The following POFUT3 variants were observed in gnomAD, a reference collection of about 807,000 sequenced individuals.
POFUT3 encodes protein O-fucosyltransferase 3, also known as GDP-fucose protein O-fucosyltransferase 3.
chr8:33,435,437 C>CA, the POFUT3 span, among the ~76,000 whole-genome samples: 1 of 152,008 alleles, frequency 6.6e-6, no homozygotes, highest in Non-Finnish European at 1.5e-5. Context: ...AGGCTGGTCT[C>CA]AAACTCCTGA....
At chr8:33,415,837 C>T in the POFUT3 span, among the ~76,000 whole-genome samples, 1 of 152,166 alleles carries the variant, frequency 6.6e-6, no homozygotes, top group South Asian at 2.1e-4. Context: ...ATTTAATGGT[C>T]CCCCAAGGGA....
chr8:33,352,072 C>T, the POFUT3 span, among the ~76,000 whole-genome samples: 2 of 152,138 alleles, frequency 1.3e-5, no homozygotes, highest in Admixed American at 6.5e-5. Context: ...TGTTGAACGG[C>T]TCTGTCAATG....
At chr8:33,368,217 A>G in the POFUT3 span, among the ~76,000 whole-genome samples, 1 of 152,172 alleles carries the variant, frequency 6.6e-6, no homozygotes, top group Non-Finnish European at 1.5e-5. Context: ...GACTGGTCAT[A>G]TCCTCTTTGG....
At chr8:33,364,835 C>T in the POFUT3 span, among the ~76,000 whole-genome samples, 1 of 152,126 alleles carries the variant, frequency 6.6e-6, no homozygotes, top group South Asian at 2.1e-4. Flanking sequence ...AATGGCCACC[C>T]AAAGTAATTT....
At chr8:33,405,389 C>T in the POFUT3 span, among the ~76,000 whole-genome samples, 1 of 152,104 alleles carries the variant, frequency 6.6e-6, no homozygotes, top group Middle Eastern at 3.4e-3. Context: ...ACAAGTATGG[C>T]AGTTTTAATT....
the POFUT3 span, among the ~76,000 whole-genome samples, chr8:33,412,926 A>C: frequency 6.6e-6 from 1 of 152,040 alleles, no homozygotes; most frequent in African/African-American, 2.4e-5. Flanking sequence ...CTGCACCTGG[A>C]CTGCTTTGCC....
chr8:33,411,757 C>T, the POFUT3 span, among the ~76,000 whole-genome samples: 9 of 151,798 alleles, frequency 5.9e-5, no homozygotes, highest in East Asian at 1.9e-4. Context: ...CATTGCACCC[C>T]GGCCTGGGCA....
chr8:33,442,111 G>A, the POFUT3 span, among the ~76,000 whole-genome samples: 8 of 151,512 alleles, frequency 5.3e-5, no homozygotes, highest in South Asian at 4.2e-4. Flanking sequence ...CACCATGCCC[G>A]GCTAATTTTT....
At chr8:33,336,013 G>A in the POFUT3 span, among the ~76,000 whole-genome samples, 6 of 152,236 alleles carry the variant, frequency 3.9e-5, no homozygotes, top group African/African-American at 1.4e-4. Flanking sequence ...GACTCGGGCA[G>A]TTCAAACGCA....
chr8:33,416,367 C>G, the POFUT3 span, among the ~76,000 whole-genome samples: 1 of 152,140 alleles, frequency 6.6e-6, no homozygotes, highest in Non-Finnish European at 1.5e-5. Flanking sequence ...CTTTGGGAGG[C>G]CGAGGCAGGC....
At chr8:33,403,685 G>A in the POFUT3 span, among the ~76,000 whole-genome samples, 5 of 152,214 alleles carry the variant, frequency 3.3e-5, no homozygotes, top group African/African-American at 9.6e-5. Flanking sequence ...CTATACCACC[G>A]CATCCCAGCC....
chr8:33,357,942 T>G, the POFUT3 span, among the ~76,000 whole-genome samples: 1 of 152,166 alleles, frequency 6.6e-6, no homozygotes, highest in Non-Finnish European at 1.5e-5. Flanking sequence ...TAAATCTACA[T>G]TATGGAATAT....
chr8:33,455,665 T>C, the POFUT3 span: 84 of 351,264 alleles, frequency 2.4e-4, 1 homozygote, highest in Middle Eastern at 3.1e-3. Context: ...GCAGTTAAAG[T>C]AAGGCACATT....
At chr8:33,346,857 C>T in the POFUT3 span, among the ~76,000 whole-genome samples, 1 of 151,984 alleles carries the variant, frequency 6.6e-6, no homozygotes, top group African/African-American at 2.4e-5. Context: ...AGAGACAGCC[C>T]ATGTGAATGT....
the POFUT3 span, among the ~76,000 whole-genome samples, chr8:33,332,822 T>C: frequency 1.3e-5 from 2 of 152,172 alleles, no homozygotes; most frequent in African/African-American, 4.8e-5. Flanking sequence ...CAACTCTCAC[T>C]GCCATTACAA....
the POFUT3 span, among the ~76,000 whole-genome samples, chr8:33,355,803 T>C: frequency 6.6e-5 from 10 of 152,152 alleles, no homozygotes; most frequent in South Asian, 2.1e-4. Flanking sequence ...GTATATCTCC[T>C]AATGCTATCC....
the POFUT3 span, among the ~76,000 whole-genome samples, chr8:33,456,951 A>G: frequency 3.3e-3 from 502 of 151,832 alleles, no homozygotes; most frequent in African/African-American, 0.011. Context: ...TTGTATTTTT[A>G]GTAGAGACGG....
At chr8:33,349,335 T>C in the POFUT3 span, among the ~76,000 whole-genome samples, 1 of 152,180 alleles carries the variant, frequency 6.6e-6, no homozygotes, top group Non-Finnish European at 1.5e-5. Context: ...TTTTGTTACA[T>C]AGATAAGTTC....
chr8:33,442,060 C>T, the POFUT3 span, among the ~76,000 whole-genome samples: 27 of 152,162 alleles, frequency 1.8e-4, no homozygotes, highest in African/African-American at 5.8e-4. Context: ...AGCGATTCGC[C>T]TGCCTCAGCC....
Sources: gnomAD v4.1 joint callset for allele counts (sites outside exome capture counted in the v4.1 genomes callset) on GRCh38, gnomAD v4.1.1 for gene constraint, MANE v1.5 for transcripts, NCBI Gene and HGNC (gene_info 2026-07-23, HGNC 2026-07-21) for gene names.